The following TCF12 variants were observed in gnomAD, a reference collection of about 807,000 sequenced individuals.
TCF12 encodes DNA-binding protein HTF4.
Under a neutral mutation model 86.0 loss-of-function variants are expected in TCF12, and 45 were observed. The ratio of observed to expected loss-of-function variants is 0.52; its 90% CI spans 0.41 to 0.67. The LOEUF is 0.67. TCF12 is among the 30% of genes least tolerant of loss of function. The pLI is 0.00. For missense variants in TCF12, 881 were observed against 859.9 expected (o/e 1.02, Z -0.31); for synonymous variants, 330 against 299.6 (o/e 1.10, Z -1.05).
At chr15:57,053,852 G>T (rs186416293) in intron 3 of TCF12, among the ~76,000 whole-genome samples, 4 of 152,144 alleles carry the variant, frequency 2.6e-5, no homozygotes, top group African/African-American at 9.7e-5. Context: ...ATTTTATGAC[G>T]AGGACGGCTT....
rs1463349212 is a variant in TCF12, at chr15:56,919,928, A to G, written c.15A>G (p.Gln5=). The change falls in exon 2 of 21, where the codon CAA becomes CAG. Residue 5 remains glutamine, a synonymous_variant. Transcript: ENST00000333725. The part of the protein sequence containing the change: MNPQ[Q]QRMAAIGTDK... ...AGTGGCCGAAGATGAATCCCCAGCAACAACGCATGGCCGCTATAGGGACCG... is the reference window on the plus strand; with the variant it reads ...AGTGGCCGAAGATGAATCCCCAGCAGCAACGCATGGCCGCTATAGGGACCG... 6.2e-7 allele frequency: 1 copy of G among 1,613,896 alleles called. No homozygotes were observed. The highest frequency in any genetic ancestry group is 8.5e-7 in the Non-Finnish European group (1 of 1,179,974).
At chr15:57,271,335 C>G (rs1005107896) in intron 18 of TCF12, among the ~76,000 whole-genome samples, 1 of 152,194 alleles carries the variant, frequency 6.6e-6, no homozygotes, top group African/African-American at 2.4e-5. Context: ...CATCCCAGGT[C>G]GATCTCAGAC....
chr15:57,072,359 G>A (rs1464760567), intron 4 of TCF12, among the ~76,000 whole-genome samples: 1 of 152,136 alleles, frequency 6.6e-6, no homozygotes, highest in Non-Finnish European at 1.5e-5. Flanking sequence ...AAAACAGATT[G>A]TTTGATTTTG....
chr15:57,153,575 T>C (rs1011102369), intron 5 of TCF12, among the ~76,000 whole-genome samples: 2 of 152,194 alleles, frequency 1.3e-5, no homozygotes, highest in African/African-American at 4.8e-5. Flanking sequence ...CATTATATTG[T>C]CGGTTTTATA....
chr15:56,938,196 C>T (rs543576446), intron 3 of TCF12, among the ~76,000 whole-genome samples: 20 of 146,684 alleles, frequency 1.4e-4, no homozygotes, highest in African/African-American at 3.5e-4. Flanking sequence ...TTTTCTTGCT[C>T]TGTTGCCAGG....
intron 13 of TCF12, among the ~76,000 whole-genome samples, chr15:57,246,609 T>G (rs2059873251): frequency 6.6e-6 from 1 of 152,122 alleles, no homozygotes; most frequent in Non-Finnish European, 1.5e-5. Flanking sequence ...CCTATTTTTT[T>G]ATTCCCAGTA....
intron 5 of TCF12, 37 bp downstream of exon 5, chr15:57,091,928 G>C: frequency 6.4e-7 from 1 of 1,554,688 alleles, no homozygotes; most frequent in Non-Finnish European, 8.9e-7. Flanking sequence ...TCTTCTCAAA[G>C]CTTCTTTGGT....
intron 5 of TCF12, among the ~76,000 whole-genome samples, chr15:57,138,790 C>T (rs537534360): frequency 1.3e-5 from 2 of 152,136 alleles, no homozygotes; most frequent in Non-Finnish European, 2.9e-5. Flanking sequence ...CATTATAAGC[C>T]ATTATGTAGT....
chr15:56,928,678 A>G (rs2060119930), intron 3 of TCF12, among the ~76,000 whole-genome samples: 1 of 152,210 alleles, frequency 6.6e-6, no homozygotes, highest in South Asian at 2.1e-4. Flanking sequence ...TATACTTTGT[A>G]GAGTGCAGAA....
At chr15:57,278,942 CTTT>C (rs67020277) in intron 19 of TCF12, among the ~76,000 whole-genome samples, 1 of 118,026 alleles carries the variant, frequency 8.5e-6, no homozygotes. Flanking sequence ...TCCTTCCTTC[CTTT>C]TTTTTTTTTC....
intron 3 of TCF12, among the ~76,000 whole-genome samples, chr15:56,964,216 C>G (rs1307617889): frequency 1.3e-5 from 2 of 152,146 alleles, no homozygotes; most frequent in African/African-American, 4.8e-5. Flanking sequence ...CTAAAATTGT[C>G]TAAAGTTTTG....
intron 3 of TCF12, among the ~76,000 whole-genome samples, chr15:56,988,559 T>G (rs1246766926): frequency 6.6e-6 from 1 of 152,212 alleles, no homozygotes; most frequent in Non-Finnish European, 1.5e-5. Flanking sequence ...CTGTCCAATA[T>G]GACTTAAAAT....
chr15:57,190,164 T>G (rs1430672154), intron 6 of TCF12, among the ~76,000 whole-genome samples: 1 of 152,190 alleles, frequency 6.6e-6, no homozygotes, highest in Non-Finnish European at 1.5e-5. Context: ...AGGTGATGGT[T>G]GAACAACATT....
intron 5 of TCF12, among the ~76,000 whole-genome samples, chr15:57,144,587 G>A (rs994934811): frequency 1.3e-5 from 2 of 152,066 alleles, no homozygotes; most frequent in Non-Finnish European, 2.9e-5. Flanking sequence ...ATCAAATGAC[G>A]TAACTTCGTT....
chr15:57,237,018 A>G (rs2059408095), intron 12 of TCF12, among the ~76,000 whole-genome samples: 1 of 152,130 alleles, frequency 6.6e-6, no homozygotes, highest in Non-Finnish European at 1.5e-5. Flanking sequence ...TACCATATCA[A>G]AACACTTGGT....
intron 6 of TCF12, among the ~76,000 whole-genome samples, chr15:57,180,203 C>T (rs2056238821): frequency 1.3e-5 from 2 of 152,110 alleles, no homozygotes; most frequent in South Asian, 4.1e-4. Flanking sequence ...TAAAGCCCAA[C>T]ATTTATTTTT....
chr15:57,244,238 G>A (rs2059756952), intron 13 of TCF12, among the ~76,000 whole-genome samples: 1 of 152,106 alleles, frequency 6.6e-6, no homozygotes, highest in Non-Finnish European at 1.5e-5. Context: ...CTATTTAAAA[G>A]TACATGTAAC....
chr15:57,277,610 A>G (rs2061460556), intron 19 of TCF12, among the ~76,000 whole-genome samples: 1 of 146,644 alleles, frequency 6.8e-6, no homozygotes, highest in Non-Finnish European at 1.5e-5. Flanking sequence ...GCCTGGCGAC[A>G]GAGTGAGACT....
chr15:57,007,744 A>T (rs2064468415), intron 3 of TCF12, among the ~76,000 whole-genome samples: 3 of 145,092 alleles, frequency 2.1e-5, no homozygotes, highest in South Asian at 4.5e-4. Context: ...ATGATGTAAC[A>T]AATATTTTTC....
Sources: gnomAD v4.1 joint callset for allele counts (sites outside exome capture counted in the v4.1 genomes callset) on GRCh38, gnomAD v4.1.1 for gene constraint, MANE v1.5 for transcripts, NCBI Gene and HGNC (gene_info 2026-07-23, HGNC 2026-07-21) for gene names.